Variants in DMKN observed in about 807,000 individuals in gnomAD.
DMKN encodes dermokine.
DMKN carries 58 observed loss-of-function variants against 67.6 expected under a neutral mutation model. That is an observed-to-expected ratio of 0.86 (90% CI 0.69 to 1.07). The LOEUF (loss-of-function observed/expected upper bound fraction) is 1.07, where lower values mean the gene tolerates loss of function less well. DMKN is among the 50% of genes least tolerant of loss of function. The pLI is 0.00. For missense variants in DMKN, 596 were observed against 601.5 expected, an observed-to-expected ratio of 0.99 and a Z score of 0.10; for synonymous variants, 240 against 232.3, an observed-to-expected ratio of 1.03 and a Z score of -0.30.
intron 10 of DMKN, 85 bp downstream of exon 10, chr19:35,502,745 G>T: frequency 1.4e-6 from 2 of 1,414,056 alleles, no homozygotes; most frequent in Non-Finnish European, 2.0e-6. Context: ...GGTGGTTGGA[G>T]CAGAGGGTGG....
At position 35,509,962 on chromosome 19, in the gene DMKN, CT is replaced by C. The variant is rs2070405823; in HGVS notation, c.988-2del. The stretch of plus-strand genomic sequence containing the variant: ...GGGCTTCATTCCCTGGCTTTTCACA[CT>C]GCCGGGGAGAGAAAGGGGAGACTTT... On this transcript the variant is annotated splice_acceptor_variant, in intron 6 of 15. Coordinates refer to ENST00000339686, the MANE Select transcript of DMKN (RefSeq NM_033317.5). LOFTEE classifies it high-confidence loss of function. 1 of 1,614,190 alleles carries C rather than the reference CT, an allele frequency of 6.2e-7. No homozygotes were observed. Among genetic ancestry groups the C allele is most frequent in the Non-Finnish European group, 8.5e-7 (1 of 1,180,010 alleles).
chr19:35,500,488 G>C, intron 12 of DMKN, 45 bp downstream of exon 12: 1 of 1,594,276 alleles, frequency 6.3e-7, no homozygotes, highest in Non-Finnish European at 8.5e-7. Context: ...GCAAGGCCAA[G>C]GGGGACCAAG....
chr19:35,507,476 G>T (rs1162301076), intron 7 of DMKN: 1 of 1,551,454 alleles, frequency 6.4e-7, no homozygotes, highest in South Asian at 1.2e-5. Context: ...TGTCTCCAGA[G>T]CCTCCAAGGA....
chr19:35,502,000 C>T (rs1351220546), intron 11 of DMKN, 136 bp downstream of exon 11: 56 of 1,551,566 alleles, frequency 3.6e-5, no homozygotes, highest in East Asian at 4.7e-5. Flanking sequence ...CCTCTCACCC[C>T]GCCCCCACTC....
intron 7 of DMKN, chr19:35,506,244 C>T: frequency 6.9e-7 from 1 of 1,446,126 alleles, no homozygotes; most frequent in Non-Finnish European, 9.1e-7. Context: ...ATGCCTGCCA[C>T]CTGTCAACCT....
In DMKN at chr19:35,512,789, T is replaced by A; in HGVS notation, c.428A>T (p.Glu143Val). Residue 143 changes from glutamate to valine, a missense_variant and splice_region_variant, in exon 2 of 16, where the codon GAA becomes GTA. Coordinates refer to ENST00000339686, the MANE Select transcript of DMKN (RefSeq NM_033317.5). Reference sequence around the variant, plus strand: ...AAAGATGCCATGGCCTCCAGAAGTTTCCTGCAAGAACAACATACCTGCACT... The same window carrying A: ...AAAGATGCCATGGCCTCCAGAAGTTACCTGCAAGAACAACATACCTGCACT... ...QGVPGHNGAW[E>V]TSGGHGIFGS... The A allele has an allele frequency of 2.5e-6, 4 of 1,612,624 alleles. No individual in the cohort carries two copies. Among genetic ancestry groups the A allele is most frequent in the Non-Finnish European group, 3.4e-6 (4 of 1,179,792 alleles).
At position 35,499,998 on chromosome 19, in the gene DMKN, G is replaced by A. The variant is rs1599809519; in HGVS notation, c.1319C>T (p.Thr440Ile). The A allele has an allele frequency of 6.2e-7, 1 of 1,614,244 alleles. No homozygotes were observed. The highest frequency in any genetic ancestry group is 2.2e-5 in the East Asian group (1 of 44,880). Residue 440 changes from threonine to isoleucine, a missense_variant, in exon 13 of 16, where the codon ACT (threonine) becomes ATT (isoleucine). Coordinates refer to ENST00000339686, the MANE Select transcript of DMKN (RefSeq NM_033317.5). ...GACTGAGTACTTCCCACCATAGGCA[G>A]TGGGATACGCATGCTGGTTGTAATT... Reference protein sequence around the residue: ...NYNYNQHAYPTAYGGKYSVKT... With the variant: ...NYNYNQHAYPIAYGGKYSVKT...
intron 5 of DMKN, chr19:35,510,511 G>A (rs537704969): frequency 3.2e-5 from 50 of 1,547,288 alleles, no homozygotes; most frequent in Non-Finnish European, 4.1e-5. Context: ...CAGGCCGGGG[G>A]TGGGAACCCC....
intron 9 of DMKN, chr19:35,503,488 T>G (rs3829677): frequency 0.45 from 697,253 of 1,537,580 alleles, 161,784 homozygotes; most frequent in African/African-American, 0.65. Flanking sequence ...TTTTTTTTTT[T>G]TTTTTGAGAT....
In DMKN at chr19:35,511,827, G is replaced by A; in HGVS notation, c.685-14C>T. 6.2e-7 allele frequency: 1 copy of A among 1,610,386 alleles called. No homozygotes were observed. On this transcript the variant is annotated splice_polypyrimidine_tract_variant and intron_variant, in intron 3 of 15. Transcript: ENST00000339686. ...GGGATTCGTGCACTGTCGAGGGAAA[G>A]GGATGGTGAGTTTGGGGACGGTGAG...
At chr19:35,500,701 G>T in intron 11 of DMKN, 121 bp from the exon 12 acceptor site, 1 of 1,169,226 alleles carries the variant, frequency 8.6e-7, no homozygotes, top group Non-Finnish European at 1.2e-6. Flanking sequence ...AGAGAAGGCA[G>T]TGAGCCTGGA....
At position 35,499,987 on chromosome 19, in the gene DMKN, C is replaced by T. The variant is rs146303540; in HGVS notation, c.1330G>A (p.Gly444Arg). 6.2e-7 allele frequency: 1 copy of T among 1,614,212 alleles called. No individual in the cohort carries two copies. Among genetic ancestry groups the T allele is most frequent in the Non-Finnish European group, 8.5e-7 (1 of 1,180,044 alleles). Residue 444 changes from glycine to arginine, a missense_variant, in exon 13 of 16, where the codon GGG becomes AGG. By Grantham distance (125) the Gly-to-Arg change is moderately radical. Coordinates refer to ENST00000339686, the MANE Select transcript of DMKN (RefSeq NM_033317.5). ...GCAGGGGTCTTGACTGAGTACTTCC[C>T]ACCATAGGCAGTGGGATACGCATGC... ...NQHAYPTAYG[G>R]KYSVKTPAKG...
At chr19:35,500,488 G>T in intron 12 of DMKN, 45 bp downstream of exon 12, 1 of 1,594,274 alleles carries the variant, frequency 6.3e-7, no homozygotes, top group Non-Finnish European at 8.5e-7. Context: ...GCAAGGCCAA[G>T]GGGGACCAAG....
At chr19:35,500,240 G>A (rs915041457) in intron 12 of DMKN, 94 of 1,316,806 alleles carry the variant, frequency 7.1e-5, no homozygotes, top group East Asian at 3.5e-4. Context: ...CCAAATGGCC[G>A]CCGCCTCCTC....
chr19:35,511,291 A>C, intron 5 of DMKN, 120 bp downstream of exon 5: 1 of 1,538,758 alleles, frequency 6.5e-7, no homozygotes. Context: ...GGTGACGACT[A>C]TCAGCGAGGC....
At chr19:35,507,820 A>T in intron 7 of DMKN, 1 of 442,486 alleles carries the variant, frequency 2.3e-6, no homozygotes, top group South Asian at 3.5e-5. Flanking sequence ...GGGCTTTGCC[A>T]GCAAAGCATC....
intron 9 of DMKN, chr19:35,503,183 G>A (rs2068721716): frequency 2.2e-6 from 3 of 1,358,976 alleles, no homozygotes; most frequent in Non-Finnish European, 1.9e-6. Flanking sequence ...GCCTCAGAGT[G>A]TCCCCTTTCC....
At position 35,511,442 on chromosome 19, in the gene DMKN, CTGCCACCACTGT is replaced by C. The variant is rs752252868; in HGVS notation, c.875_886del (p.Asn292_Gly295del). The C allele has an allele frequency of 2.6e-5, 42 of 1,606,738 alleles. No individual in the cohort carries two copies. The highest frequency in any genetic ancestry group is 3.5e-5 in the Non-Finnish European group (41 of 1,178,312). On this transcript the variant is annotated inframe_deletion, in exon 5 of 16. Transcript: ENST00000339686. ...GGACTCACTGCCGCTGTCACCTCTG[CTGCCACCACTGT>C]TGCCACTGCTGCCACCACTGCTGCC...
At chr19:35,498,662 G>A in intron 15 of DMKN, 54 bp downstream of exon 15, 1 of 1,611,192 alleles carries the variant, frequency 6.2e-7, no homozygotes, top group South Asian at 1.1e-5. Context: ...TGCCCCGGGT[G>A]ACTGTGCCTC....
Sources: allele counts gnomAD v4.1 joint callset, GRCh38; gene constraint gnomAD v4.1.1; transcripts MANE v1.5; gene names NCBI Gene and HGNC (gene_info 2026-07-23, HGNC 2026-07-21).